The following ERBB4 variants were observed in gnomAD, a reference collection of about 807,000 sequenced individuals.
The protein encoded by ERBB4 is erb-b2 receptor tyrosine kinase 4.
In ERBB4, 42 loss-of-function variants were observed where a neutral mutation model predicts 158.0. The observed-to-expected ratio is 0.27, with a 90% CI of 0.21 to 0.34. ERBB4 has a LOEUF of 0.34. Among genes scored for constraint, ERBB4 ranks in the 10% least tolerant of loss-of-function variants. The probability of loss-of-function intolerance (pLI) is 1.00; values close to 1 mark genes in which losing one functional copy is unlikely to be tolerated. For synonymous variants in ERBB4, 583 were observed against 558.7 expected, an observed-to-expected ratio of 1.04 and a Z score of -0.61; for missense variants, 1,333 against 1,624.1, an observed-to-expected ratio of 0.82 and a Z score of 3.08.
chr2:212,300,799 C>T (rs755779715), intron 1 of ERBB4, among the ~76,000 whole-genome samples: 135 of 151,502 alleles, frequency 8.9e-4, no homozygotes, highest in African/African-American at 2.8e-3. Context: ...TTGACTCTTG[C>T]GTAAACGTAT....
At chr2:211,692,873 C>T (rs2072875245) in intron 12 of ERBB4, among the ~76,000 whole-genome samples, 1 of 152,108 alleles carries the variant, frequency 6.6e-6, no homozygotes, top group African/African-American at 2.4e-5. Context: ...ACTAAACTGT[C>T]AATAAGCTCT....
chr2:211,933,839 TA>T (rs2080240350), intron 3 of ERBB4, among the ~76,000 whole-genome samples: 1 of 152,014 alleles, frequency 6.6e-6, no homozygotes, highest in Non-Finnish European at 1.5e-5. Context: ...AAGAATAGAT[TA>T]AGAGATTTTT....
chr2:211,901,740 GC>G (rs1240746537), intron 3 of ERBB4, among the ~76,000 whole-genome samples: 1 of 152,034 alleles, frequency 6.6e-6, no homozygotes, highest in Non-Finnish European at 1.5e-5. Flanking sequence ...CAGCCTAATA[GC>G]TTTTTTCCTA....
At chr2:211,733,124 T>C (rs533613184) in intron 5 of ERBB4, among the ~76,000 whole-genome samples, 16 of 152,320 alleles carry the variant, frequency 1.1e-4, no homozygotes, top group African/African-American at 3.8e-4. Flanking sequence ...TTCTGTCTAA[T>C]CCATTCCTTA....
At chr2:211,573,955 G>A (rs1030326686) in intron 19 of ERBB4, among the ~76,000 whole-genome samples, 2 of 152,154 alleles carry the variant, frequency 1.3e-5, no homozygotes, top group Non-Finnish European at 2.9e-5. Flanking sequence ...TCTAAATGAT[G>A]CAGATACTTT....
At chr2:212,490,468 G>A (rs929868975) in intron 1 of ERBB4, among the ~76,000 whole-genome samples, 2 of 151,648 alleles carry the variant, frequency 1.3e-5, no homozygotes, top group Non-Finnish European at 3.0e-5. Flanking sequence ...TACATCTGAA[G>A]TTTTACATCT....
At chr2:211,915,713 C>T (rs1347170430) in intron 3 of ERBB4, among the ~76,000 whole-genome samples, 5 of 151,440 alleles carry the variant, frequency 3.3e-5, no homozygotes, top group African/African-American at 4.8e-5. Flanking sequence ...TAAACATGGG[C>T]AGTACACCTG....
chr2:211,708,290 G>A (rs2073529032), intron 9 of ERBB4, among the ~76,000 whole-genome samples: 1 of 152,064 alleles, frequency 6.6e-6, no homozygotes. Flanking sequence ...TCATTTATAT[G>A]TTTGTCCTGG....
At chr2:212,402,434 TGAACA>T (rs756599047) in intron 1 of ERBB4, among the ~76,000 whole-genome samples, 1 of 152,058 alleles carries the variant, frequency 6.6e-6, no homozygotes, top group Non-Finnish European at 1.5e-5. Flanking sequence ...ACGGTGGTGG[TGAACA>T]CAAGAGCCTA....
At chr2:212,527,747 A>G (rs1692526603) in intron 1 of ERBB4, among the ~76,000 whole-genome samples, 1 of 151,448 alleles carries the variant, frequency 6.6e-6, no homozygotes. Context: ...GTACCTGTGC[A>G]CAATGTGCAG....
chr2:211,801,511 T>C (rs1014090065), intron 3 of ERBB4, among the ~76,000 whole-genome samples: 1 of 152,270 alleles, frequency 6.6e-6, no homozygotes, highest in African/African-American at 2.4e-5. Flanking sequence ...GGATATTTTC[T>C]TTATTTTATG....
chr2:212,041,975 A>G (rs1369617297), intron 2 of ERBB4, among the ~76,000 whole-genome samples: 1 of 152,070 alleles, frequency 6.6e-6, no homozygotes, highest in Non-Finnish European at 1.5e-5. Context: ...TTAGCTGATG[A>G]GCAATTAAAT....
At chr2:212,424,653 T>G (rs932532886) in intron 1 of ERBB4, among the ~76,000 whole-genome samples, 1 of 152,162 alleles carries the variant, frequency 6.6e-6, no homozygotes, top group East Asian at 1.9e-4. Context: ...ATAACAGCTA[T>G]AGCTCACCTA....
intron 3 of ERBB4, among the ~76,000 whole-genome samples, chr2:211,913,027 C>T (rs1378391084): frequency 6.6e-6 from 1 of 152,084 alleles, no homozygotes; most frequent in Non-Finnish European, 1.5e-5. Context: ...CTGTTTATAA[C>T]CTCAAGATGG....
At chr2:211,843,410 C>T (rs995485231) in intron 3 of ERBB4, among the ~76,000 whole-genome samples, 19 of 120,618 alleles carry the variant, frequency 1.6e-4, no homozygotes, top group African/African-American at 4.4e-4. Context: ...CATGTGCGTG[C>T]GTGTGCACAC....
At chr2:211,992,125 C>G (rs1473863080) in intron 2 of ERBB4, among the ~76,000 whole-genome samples, 1 of 152,124 alleles carries the variant, frequency 6.6e-6, no homozygotes, top group African/African-American at 2.4e-5. Context: ...TCAGCAACAT[C>G]CTACTCTACT....
intron 4 of ERBB4, among the ~76,000 whole-genome samples, chr2:211,758,177 C>A (rs778868223): frequency 2.6e-5 from 4 of 152,062 alleles, no homozygotes; most frequent in Non-Finnish European, 4.4e-5. Context: ...TAAACATGAA[C>A]ATACTAAATG....
chr2:211,737,926 T>A (rs974842224), intron 5 of ERBB4, among the ~76,000 whole-genome samples: 1 of 152,168 alleles, frequency 6.6e-6, no homozygotes, highest in African/African-American at 2.4e-5. Context: ...GAATATACCC[T>A]GAATCCCCTT....
At chr2:212,362,028 G>T (rs1335773223) in intron 1 of ERBB4, among the ~76,000 whole-genome samples, 4 of 151,424 alleles carry the variant, frequency 2.6e-5, no homozygotes, top group Admixed American at 6.6e-5. Context: ...CACATAGAAA[G>T]TTTTTTTTAC....
Sources: gnomAD v4.1 joint callset for allele counts (sites outside exome capture counted in the v4.1 genomes callset) on GRCh38, gnomAD v4.1.1 for gene constraint, MANE v1.5 for transcripts, NCBI Gene and HGNC (gene_info 2026-07-23, HGNC 2026-07-21) for gene names.